PCCB: variants seen among roughly 807,000 people sequenced by gnomAD.
PCCB encodes the protein propionyl-CoA carboxylase subunit beta, also known as propionyl-CoA carboxylase beta chain, mitochondrial.
PCCB carries 43 observed loss-of-function variants against 60.7 expected under a neutral mutation model. That is an observed-to-expected ratio of 0.71 (90% CI 0.55 to 0.91). PCCB has a LOEUF of 0.91. Among genes scored for constraint, PCCB ranks in the 40% least tolerant of loss-of-function variants. The pLI, the probability that PCCB is intolerant of heterozygous loss-of-function variation, is 0.00. For synonymous variants in PCCB, 276 were observed against 255.9 expected, an observed-to-expected ratio of 1.08 and a Z score of -0.75; for missense variants, 766 against 702.8, an observed-to-expected ratio of 1.09 and a Z score of -1.02.
At chr3:136,272,148 G>A (rs1187520167) in intron 5 of PCCB, among the ~76,000 whole-genome samples, 4 of 151,994 alleles carry the variant, frequency 2.6e-5, no homozygotes, top group African/African-American at 4.8e-5. Context: ...TTCTGTTTAC[G>A]GGATTTATCA....
chr3:136,317,487 C>T lies in PCCB; in HGVS notation c.1090+423C>T, dbSNP rs150815298. Reference sequence around the variant, plus strand: ...CAAGTGATCCGCCCACCTCAGCCTCCGAAAGCGCTGGGATTACAGACATGA... The same window carrying T: ...CAAGTGATCCGCCCACCTCAGCCTCTGAAAGCGCTGGGATTACAGACATGA... On this transcript the variant is annotated intron_variant, in intron 10 of 14. Transcript: ENST00000251654. 2.1e-3 allele frequency among the ~76,000 whole-genome samples: 315 copies of T among 152,050 alleles called. 3 individuals carry two copies. The highest frequency in any genetic ancestry group is 6.3e-3 in the African/African-American group (261 of 41,488).
chr3:136,278,435 T>C (rs1254062584), intron 5 of PCCB, among the ~76,000 whole-genome samples: 1 of 152,202 alleles, frequency 6.6e-6, no homozygotes, highest in Non-Finnish European at 1.5e-5. Context: ...CACTATTCTG[T>C]TCTTCTAAGT....
At chr3:136,314,657 GAAAAACAAAAAC>G (rs1382186408) in intron 9 of PCCB, among the ~76,000 whole-genome samples, 1 of 151,716 alleles carries the variant, frequency 6.6e-6, no homozygotes. Context: ...CCTGTCTCAA[GAAAAACAAAAAC>G]AAAAACAAAA....
rs1390559155 is a variant in PCCB, at chr3:136,256,697, A to G, written c.372+74A>G. 4 of 1,036,780 alleles carry G rather than the reference A, an allele frequency of 3.9e-6. No homozygotes were observed. In the African/African-American group the frequency reaches 4.7e-5, roughly 12 times the overall value. 64.2% of individuals were successfully genotyped at this position (1,036,780 alleles called of 1,614,324 possible). A position where few individuals can be genotyped will look rare whatever the true frequency, so the allele number is the denominator to read the frequency against. On this transcript the variant is annotated intron_variant, in intron 3 of 14. Coordinates refer to ENST00000251654, the MANE Select transcript of PCCB (RefSeq NM_000532.5). ...AGAGGAAAATATGTGAAAGAAGCCA[A>G]TCTTGGGGAATGAAAACTTGCTTGT...
At chr3:136,265,600 G>A (rs1576410463) in intron 5 of PCCB, among the ~76,000 whole-genome samples, 1 of 152,178 alleles carries the variant, frequency 6.6e-6, no homozygotes, top group South Asian at 2.1e-4. Flanking sequence ...AAATGCTACT[G>A]TGAACATTTG....
At chr3:136,300,777 C>G (rs1934240142) in intron 8 of PCCB, among the ~76,000 whole-genome samples, 1 of 152,104 alleles carries the variant, frequency 6.6e-6, no homozygotes, top group African/African-American at 2.4e-5. Flanking sequence ...GAAAGAATAA[C>G]GTTTAGAGGA....
At chr3:136,288,869 C>T (rs1933545224) in intron 6 of PCCB, among the ~76,000 whole-genome samples, 2 of 152,066 alleles carry the variant, frequency 1.3e-5, no homozygotes, top group African/African-American at 2.4e-5. Flanking sequence ...GTGGTGCGAT[C>T]TCGGCTCACT....
At chr3:136,315,534 C>A (rs1934855467) in intron 9 of PCCB, among the ~76,000 whole-genome samples, 2 of 151,420 alleles carry the variant, frequency 1.3e-5, no homozygotes, top group Non-Finnish European at 2.9e-5. Context: ...CTCAAACAAA[C>A]AAAAGAAAAT....
At chr3:136,297,580 G>A (rs569641303) in intron 7 of PCCB, among the ~76,000 whole-genome samples, 33 of 152,080 alleles carry the variant, frequency 2.2e-4, no homozygotes, top group Non-Finnish European at 4.0e-4. Context: ...AGAGATGTCC[G>A]GCAGTAAACA....
chr3:136,318,144 T>C (rs664088), intron 10 of PCCB, among the ~76,000 whole-genome samples: 55,444 of 152,090 alleles, frequency 0.36, 12,369 homozygotes, highest in East Asian at 0.8. Context: ...AGAGACCATC[T>C]TAGCCAACAT....
intron 6 of PCCB, among the ~76,000 whole-genome samples, chr3:136,292,644 A>G (rs1371691407): frequency 1.3e-5 from 2 of 152,202 alleles, no homozygotes; most frequent in Non-Finnish European, 2.9e-5. Flanking sequence ...ATTGAACTCT[A>G]TGTGTATTGA....
At chr3:136,261,869 C>T (rs1232071895) in intron 4 of PCCB, 83 bp from the exon 5 acceptor site, 1 of 962,664 alleles carries the variant, frequency 1.0e-6, no homozygotes, top group Non-Finnish European at 1.6e-6. Flanking sequence ...GAACGTTTTC[C>T]AGAAAACACT....
At chr3:136,316,548 T>A (rs1394945693) in intron 9 of PCCB, among the ~76,000 whole-genome samples, 1 of 152,182 alleles carries the variant, frequency 6.6e-6, no homozygotes, top group Non-Finnish European at 1.5e-5. Flanking sequence ...ACTCCTGGCC[T>A]CAGGTGATCC....
intron 11 of PCCB, 28 bp from the exon 12 acceptor site, chr3:136,327,127 G>T: frequency 6.3e-7 from 1 of 1,593,122 alleles, no homozygotes. Flanking sequence ...GGACTTGTGG[G>T]TATCTAGTAA....
At chr3:136,281,168 T>G (rs911905599) in intron 5 of PCCB, among the ~76,000 whole-genome samples, 13 of 152,152 alleles carry the variant, frequency 8.5e-5, no homozygotes, top group Non-Finnish European at 1.9e-4. Context: ...ACTTATGTCT[T>G]TCATCAAATG....
chr3:136,261,854 A>T, intron 4 of PCCB, 98 bp from the exon 5 acceptor site: 1 of 810,976 alleles, frequency 1.2e-6, no homozygotes. Context: ...TGAAAAGTGC[A>T]CTCAGAACGT....
At chr3:136,280,868 G>A (rs879694837) in intron 5 of PCCB, among the ~76,000 whole-genome samples, 1 of 152,116 alleles carries the variant, frequency 6.6e-6, no homozygotes, top group Non-Finnish European at 1.5e-5. Flanking sequence ...CGTCCAGGCT[G>A]GTCTCAAACT....
intron 5 of PCCB, among the ~76,000 whole-genome samples, chr3:136,273,911 CAAAAAAAAA>C (rs34690853): frequency 3.6e-5 from 2 of 55,488 alleles, no homozygotes; most frequent in Non-Finnish European, 6.4e-5. Flanking sequence ...GACTCTGTCT[CAAAAAAAAA>C]AAAAAAAAAA....
At chr3:136,256,228 C>T (rs757476899) in intron 2 of PCCB, 48 of 571,282 alleles carry the variant, frequency 8.4e-5, no homozygotes, top group Non-Finnish European at 1.1e-4. Flanking sequence ...CAGGCGTGAG[C>T]GACCGTACCC....
Sources: allele counts gnomAD v4.1 joint callset (sites outside exome capture counted in the v4.1 genomes callset), GRCh38; gene constraint gnomAD v4.1.1; transcripts MANE v1.5; gene names NCBI Gene and HGNC (gene_info 2026-07-23, HGNC 2026-07-21).